Variants in VCP observed in about 807,000 individuals in gnomAD.
VCP encodes the protein valosin containing protein, also known as transitional endoplasmic reticulum ATPase.
A neutral mutation model predicts 85.7 loss-of-function variants in VCP; 6 were observed. The ratio of observed to expected loss-of-function variants is 0.07; its 90% CI spans 0.04 to 0.14. VCP has a LOEUF of 0.14. Among genes scored for constraint, VCP ranks in the 10% least tolerant of loss-of-function variants. The probability of loss-of-function intolerance (pLI) is 1.00; values close to 1 mark genes in which losing one functional copy is unlikely to be tolerated. For synonymous variants in VCP, 384 were observed against 367.1 expected, an observed-to-expected ratio of 1.05 and a Z score of -0.53; for missense variants, 353 against 1,043.4, an observed-to-expected ratio of 0.34 and a Z score of 9.12.
chr9:35,061,528 A>C, intron 10 of VCP, 49 bp downstream of exon 10: 1 of 1,555,680 alleles, frequency 6.4e-7, no homozygotes, highest in East Asian at 2.2e-5. Context: ...GTTCCCAGCA[A>C]CTGCCTAGAG....
In VCP at chr9:35,059,358, T is replaced by C; in HGVS notation, c.2004+135A>G. On this transcript the variant is annotated intron_variant, in intron 14 of 16. Transcript: ENST00000358901. This position sits in a 1 kb window ranked among gnomAD's most constrained non-coding sequence, Gnocchi z 4.9. ...TTTTATTCCTGATTCTAGATTATCT[T>C]GATATCCTCAAAAATTCTACCTTCC... 6.5e-7 allele frequency: 1 copy of C among 1,528,090 alleles called. No homozygotes were observed. Among genetic ancestry groups the C allele is most frequent in the Non-Finnish European group, 8.9e-7 (1 of 1,126,198 alleles). The allele number at this position is 1,528,090 out of a possible 1,614,324, so 94.7% of individuals were successfully genotyped here.
chr9:35,057,194 C>T lies in VCP; in HGVS notation c.2344G>A (p.Gly782Ser). The change falls in exon 17 of 17, where the codon GGC becomes AGC. Residue 782 changes from glycine (G) to serine (S), a missense_variant. Around this residue, in one of 8 missense-constraint regions of VCP, gnomAD observed 93 missense variants for 197.1 expected, o/e 0.47. Transcript: ENST00000358901. The stretch of plus-strand genomic sequence containing the variant: ...CCGCCTCCACTGCCCTGACTGGGGC[C>T]AGCTCCACCCTGGTTCCCTGAAGGG... ...RFPSGNQGGAGPSQGSGGGTG... is the reference protein window; with the variant it reads ...RFPSGNQGGASPSQGSGGGTG... The T allele has an allele frequency of 1.2e-6, 2 of 1,614,242 alleles. No individual in the cohort carries two copies. The highest frequency in any genetic ancestry group is 1.7e-6 in the Non-Finnish European group (2 of 1,180,050).
intron 7 of VCP, 125 bp from the exon 8 acceptor site, chr9:35,062,475 T>A: frequency 7.0e-7 from 1 of 1,427,214 alleles, no homozygotes; most frequent in Non-Finnish European, 9.6e-7. Context: ...AACCTCTGCC[T>A]ACTTCTCACA....
intron 3 of VCP, 61 bp downstream of exon 3, chr9:35,067,830 G>C: frequency 6.2e-7 from 1 of 1,606,112 alleles, no homozygotes; most frequent in Non-Finnish European, 8.5e-7. Context: ...CATGGGTCCT[G>C]CCTGTAATGC....
At position 35,059,219 on chromosome 9, in the gene VCP, C is replaced by T; in HGVS notation, c.2005G>A (p.Asp669Asn). 1 of 1,614,208 alleles carries T rather than the reference C, an allele frequency of 6.2e-7. No individual in the cohort carries two copies. ...TTAGCCAGGAACTCCAAGTCCACAT[C>T]CTAAAAGCAGCAGCAGAGGTACCTT... ...ANLRKSPVAKDVDLEFLAKMT... is the reference protein window; with the variant it reads ...ANLRKSPVAKNVDLEFLAKMT... The change falls in exon 15 of 17, where the codon GAT (aspartate) becomes AAT (asparagine). Residue 669 changes from aspartate to asparagine, a missense_variant and splice_region_variant. Physicochemically the swap from Asp to Asn is conservative, Grantham distance 23. This residue lies in a region of VCP where 93 missense variants were observed against 197.1 expected (regional missense o/e 0.47). Transcript: ENST00000358901. The surrounding 1 kb of genome is among the most constrained non-coding windows in gnomAD (Gnocchi z 4.9).
intron 3 of VCP, 101 bp from the exon 4 acceptor site, chr9:35,066,918 A>G (rs1176808858): frequency 6.3e-7 from 1 of 1,585,254 alleles, no homozygotes. Flanking sequence ...TAAGTGAAAA[A>G]GAAAAGGCAG....
intron 15 of VCP, 130 bp downstream of exon 15, chr9:35,058,934 G>T: frequency 8.0e-7 from 1 of 1,256,408 alleles, no homozygotes; most frequent in Non-Finnish European, 1.1e-6. Context: ...CTTTATCTTT[G>T]ATGCCCTATT....
chr9:35,061,640 G>T lies in VCP; in HGVS notation c.1131C>A (p.Arg377=). Residue 377 remains arginine (R), a synonymous_variant, in exon 10 of 17, where the codon CGC becomes CGA. Transcript: ENST00000358901. ...TGGTATGGATCTGAAGAATCTCTAA[G>T]CGTCCTGTAGCATCAGGAATTCCAA... The part of the protein sequence containing the change: ...VDIGIPDATG[R]LEILQIHTKN... 6.2e-7 allele frequency: 1 copy of T among 1,614,124 alleles called. No homozygotes were observed. Among genetic ancestry groups the T allele is most frequent in the Non-Finnish European group, 8.5e-7 (1 of 1,180,040 alleles).
intron 7 of VCP, 91 bp downstream of exon 7, chr9:35,062,887 G>T (rs1490595232): frequency 8.5e-7 from 1 of 1,172,002 alleles, no homozygotes; most frequent in African/African-American, 1.5e-5. Flanking sequence ...GAGGGCATGG[G>T]TGCAAAAAGG....
At chr9:35,067,663 G>A (rs924606476) in intron 3 of VCP, among the ~76,000 whole-genome samples, 1 of 152,112 alleles carries the variant, frequency 6.6e-6, no homozygotes, top group Non-Finnish European at 1.5e-5. Context: ...GAAAGTTACA[G>A]GAACGCCAAT....
Position 35,060,753 on chromosome 9 carries a change from A to C in VCP, c.1482+48T>G, listed in dbSNP as rs77126390. On this transcript the variant is annotated intron_variant, in intron 12 of 16. Transcript: ENST00000358901. ...TGACACCCTGAGATCACCCAGATCA[A>C]TTACAATGTACTGAGACAGTGACTC... The C allele has an allele frequency of 5.2e-4, 841 of 1,614,014 alleles. 20 individuals are homozygous for C. In the East Asian group the frequency reaches 0.014, roughly 26 times the overall value.
In VCP at chr9:35,057,493, C is replaced by T. The variant is rs1027386475; in HGVS notation, c.2198G>A (p.Arg733Gln). 1 of 1,613,284 alleles carries T rather than the reference C, an allele frequency of 6.2e-7. No individual in the cohort carries two copies. Among genetic ancestry groups the T allele is most frequent in the Admixed American group, 1.7e-5 (1 of 60,030 alleles). ...GCGCATGGCTTCTTCAAAGTGATCT[C>T]GACGGATCTCAGGCACTGGATCATC... ...EEDDPVPEIR[R>Q]DHFEEAMRFA... The change falls in exon 16 of 17, where the codon CGA (arginine) becomes CAA (glutamine). Residue 733 changes from arginine to glutamine, a missense_variant. Arg to Gln is a conservative substitution (Grantham distance 43). Coordinates refer to ENST00000358901, the MANE Select transcript of VCP (RefSeq NM_007126.5).
chr9:35,059,430 G>T lies in VCP; in HGVS notation c.2004+63C>A. The T allele has an allele frequency of 6.3e-7, 1 of 1,597,002 alleles. No homozygotes were observed. The highest frequency in any genetic ancestry group is 1.1e-5 in the South Asian group (1 of 89,296). On this transcript the variant is annotated intron_variant, in intron 14 of 16. Coordinates refer to ENST00000358901, the MANE Select transcript of VCP (RefSeq NM_007126.5). The surrounding 1 kb of genome is among the most constrained non-coding windows in gnomAD (Gnocchi z 4.9). ...AGTGGAATCTTGTCCAGAAACTAAA[G>T]AGCACTCCGTACCAGCCTGAGGACT...
At chr9:35,067,845 T>C in intron 3 of VCP, 46 bp downstream of exon 3, 1 of 1,613,202 alleles carries the variant, frequency 6.2e-7, no homozygotes, top group Non-Finnish European at 8.5e-7. Context: ...TAATGCAGGC[T>C]ATCTCTGGCC....
intron 15 of VCP, 84 bp downstream of exon 15, chr9:35,058,980 T>C: frequency 1.3e-6 from 2 of 1,580,606 alleles, no homozygotes; most frequent in East Asian, 4.5e-5. Flanking sequence ...TTCCAACAGC[T>C]TCTACTCTCA....
At position 35,056,315 on chromosome 9, in the gene VCP, A is replaced by G. The variant is rs1371639097; in HGVS notation, c.*802T>C. Reference sequence around the variant, plus strand: ...TAGCCTTACCGTCCACATCAAATATAGGTGGAGGGATGCCATATTCTCCAC... The same window carrying G: ...TAGCCTTACCGTCCACATCAAATATGGGTGGAGGGATGCCATATTCTCCAC... On this transcript the variant is annotated 3_prime_UTR_variant, in exon 17 of 17. Transcript: ENST00000358901. 1 of 152,528 alleles carries G rather than the reference A, an allele frequency of 6.6e-6. No individual in the cohort carries two copies. The highest frequency in any genetic ancestry group is 1.5e-5 in the Non-Finnish European group (1 of 68,282). 9.4% of individuals were successfully genotyped at this position (152,528 alleles called of 1,614,324 possible).
chr9:35,067,887 A>C lies in VCP; in HGVS notation c.302+4T>G. The C allele has an allele frequency of 5.0e-6, 8 of 1,614,174 alleles. No individual in the cohort carries two copies. Among genetic ancestry groups the C allele is most frequent in the Non-Finnish European group, 6.8e-6 (8 of 1,180,044 alleles). On this transcript the variant is annotated splice_donor_region_variant and intron_variant, in intron 3 of 16. Transcript: ENST00000358901. ...CCCTGTGAAGCCAAAAACCCCACACACACCTGATGACATCCCCTAGGCGTA... is the reference window on the plus strand; with the variant it reads ...CCCTGTGAAGCCAAAAACCCCACACCCACCTGATGACATCCCCTAGGCGTA...
chr9:35,059,966 C>A lies in VCP; in HGVS notation c.1696-165G>T. ...TGGGCAACATACTGAGACTTTGTCT[C>A]TACAAAAAATAAAAAATTAGCCAGA... On this transcript the variant is annotated intron_variant, in intron 13 of 16. Coordinates refer to ENST00000358901, the MANE Select transcript of VCP (RefSeq NM_007126.5). This position sits in a 1 kb window ranked among gnomAD's most constrained non-coding sequence, Gnocchi z 4.9. The A allele has an allele frequency of 1.1e-6, 1 of 873,008 alleles. No individual in the cohort carries two copies. The highest frequency in any genetic ancestry group is 1.7e-6 in the Non-Finnish European group (1 of 573,782). 54.1% of individuals were successfully genotyped at this position (873,008 alleles called of 1,614,324 possible). A position where few individuals can be genotyped will look rare whatever the true frequency, so the allele number is the denominator to read the frequency against.
intron 16 of VCP, 69 bp from the exon 17 acceptor site, chr9:35,057,291 C>T (rs1828629142): frequency 3.7e-6 from 6 of 1,613,688 alleles, no homozygotes; most frequent in African/African-American, 2.7e-5. Flanking sequence ...ACAACTACCC[C>T]TCTAGCTTCC....
Sources: allele counts gnomAD v4.1 joint callset (sites outside exome capture counted in the v4.1 genomes callset), GRCh38; gene constraint gnomAD v4.1.1; regional missense constraint gnomAD v4.1.1; non-coding constraint Gnocchi (gnomAD v3.1); transcripts MANE v1.5; gene names NCBI Gene and HGNC (gene_info 2026-07-23, HGNC 2026-07-21).